The following SH3TC1 variants were observed in gnomAD, a reference collection of about 807,000 sequenced individuals.
SH3TC1 encodes the protein SH3 domain and tetratricopeptide repeats 1.
SH3TC1 carries 135 observed loss-of-function variants against 117.3 expected under a neutral mutation model. The ratio of observed to expected loss-of-function variants is 1.15; its 90% CI spans 1.00 to 1.33. The LOEUF is 1.33. Ranked by LOEUF, SH3TC1 falls within the 40% of genes most tolerant of loss-of-function variation. The pLI, the probability that SH3TC1 is intolerant of heterozygous loss-of-function variation, is 0.00. For missense variants in SH3TC1, 2,092 were observed against 1,794.3 expected (o/e 1.17, Z -3.00); for synonymous variants, 898 against 816.9 (o/e 1.10, Z -1.69).
At position 8,235,426 on chromosome 4, in the gene SH3TC1, C is replaced by G. The variant is rs554581794; in HGVS notation, c.3283-7C>G. 2 of 1,495,324 alleles carry G rather than the reference C, an allele frequency of 1.3e-6. No homozygotes were observed. The highest frequency in any genetic ancestry group is 1.8e-6 in the Non-Finnish European group (2 of 1,115,084). The allele number at this position is 1,495,324 out of a possible 1,614,324, so 92.6% of individuals were successfully genotyped here. A position where few individuals can be genotyped will look rare whatever the true frequency, so the allele number is the denominator to read the frequency against. On this transcript the variant is annotated splice_polypyrimidine_tract_variant and splice_region_variant and intron_variant, in intron 14 of 17. Coordinates refer to ENST00000245105, the MANE Select transcript of SH3TC1 (RefSeq NM_018986.5). ...TGGGTCTTGAGGGAACTTCTGCCTCCTTTCAGGTGGCACAGAACGTGGCCC... is the reference window on the plus strand; with the variant it reads ...TGGGTCTTGAGGGAACTTCTGCCTCGTTTCAGGTGGCACAGAACGTGGCCC...
rs1216472241 is a variant in SH3TC1 at position 8,209,347 on chromosome 4, C to T, written c.173-401C>T. 6.6e-6 allele frequency among the ~76,000 whole-genome samples: 1 copy of T among 152,242 alleles called. No individual in the cohort carries two copies. The highest frequency in any genetic ancestry group is 1.9e-4 in the East Asian group (1 of 5,176). Reference sequence around the variant, plus strand: ...CAGAAAAGGAGATGCAGTGACAAAGCGGAAGTAGAAGTGGCGGCCACAAGC... The same window carrying T: ...CAGAAAAGGAGATGCAGTGACAAAGTGGAAGTAGAAGTGGCGGCCACAAGC... On this transcript the variant is annotated intron_variant, in intron 2 of 17. Coordinates refer to ENST00000245105, the MANE Select transcript of SH3TC1 (RefSeq NM_018986.5). This position sits in a 1 kb window ranked among gnomAD's most constrained non-coding sequence, Gnocchi z 5.9.
At chr4:8,223,406 C>G (rs970610355) in intron 10 of SH3TC1, among the ~76,000 whole-genome samples, 1 of 152,222 alleles carries the variant, frequency 6.6e-6, no homozygotes, top group African/African-American at 2.4e-5. Flanking sequence ...GGCCTGGTCA[C>G]CTGGCTGCCA....
intron 4 of SH3TC1, 23 bp downstream of exon 4, chr4:8,212,851 C>T: frequency 1.3e-6 from 2 of 1,536,504 alleles, no homozygotes; most frequent in African/African-American, 2.7e-5. Context: ...CTGGGGCCTG[C>T]TCAGGGATGG....
Position 8,218,365 on chromosome 4 carries a change from CCT to C in SH3TC1, c.916+23_916+24del. ...GCTGATGGGTAAGTGTTTCCATGGG[CCT>C]CTCTTTTTTGGGGAAATGTGTGTGC... On this transcript the variant is annotated intron_variant, in intron 8 of 17. Transcript: ENST00000245105. 6.3e-7 allele frequency: 1 copy of C among 1,593,116 alleles called. No homozygotes were observed. The highest frequency in any genetic ancestry group is 8.6e-7 in the Non-Finnish European group (1 of 1,165,132).
chr4:8,235,776 A>C, intron 15 of SH3TC1: 1 of 512,258 alleles, frequency 2.0e-6, no homozygotes, highest in Non-Finnish European at 3.2e-6. Flanking sequence ...CTTGCACCCG[A>C]TGATCTCAAG....
At chr4:8,228,741 C>T in intron 12 of SH3TC1, 97 bp downstream of exon 12, 1 of 1,066,020 alleles carries the variant, frequency 9.4e-7, no homozygotes, top group African/African-American at 1.6e-5. Flanking sequence ...GTTTTTCCAC[C>T]ATCGAAAGTG....
intron 8 of SH3TC1, among the ~76,000 whole-genome samples, chr4:8,219,089 C>T (rs1020761187): frequency 7.9e-5 from 12 of 152,096 alleles, no homozygotes; most frequent in African/African-American, 2.7e-4. Flanking sequence ...GGCTGATGGC[C>T]GAGGCTTATT....
Position 8,219,320 on chromosome 4 carries a change from G to A in SH3TC1, c.917-15G>A, listed in dbSNP as rs1416678971. ...TTGGTCTCCCTGGCACTCACCATGTGGCTTTCTTCCGCAGCTGTGGGCCTG... is the reference window on the plus strand; with the variant it reads ...TTGGTCTCCCTGGCACTCACCATGTAGCTTTCTTCCGCAGCTGTGGGCCTG... On this transcript the variant is annotated splice_polypyrimidine_tract_variant and intron_variant, in intron 8 of 17. Coordinates refer to ENST00000245105, the MANE Select transcript of SH3TC1 (RefSeq NM_018986.5). The A allele has an allele frequency of 1.3e-6, 2 of 1,566,780 alleles. No individual in the cohort carries two copies. Among genetic ancestry groups the A allele is most frequent in the Admixed American group, 1.8e-5 (1 of 56,818 alleles).
rs1241604981 is a variant in SH3TC1 at position 8,206,775 on chromosome 4, C to G, written c.172+1409C>G. The stretch of plus-strand genomic sequence containing the variant: ...AAATAGTACAGATAATTCCATTTGC[C>G]CATACCCAGGTTCCCTGAATGTTCG... On this transcript the variant is annotated intron_variant, in intron 2 of 17. Transcript: ENST00000245105. The surrounding 1 kb of genome is among the most constrained non-coding windows in gnomAD (Gnocchi z 5.5). 6.6e-6 allele frequency among the ~76,000 whole-genome samples: 1 copy of G among 152,016 alleles called. No homozygotes were observed. Among genetic ancestry groups the G allele is most frequent in the Non-Finnish European group, 1.5e-5 (1 of 68,008 alleles).
chr4:8,234,482 TCCATCCATCCAC>T lies in SH3TC1; in HGVS notation c.3283-939_3283-928del, dbSNP rs766605674. 1.5e-3 allele frequency among the ~76,000 whole-genome samples: 152 copies of T among 101,000 alleles called. No homozygotes were observed. The Middle Eastern group carries it at 0.023, about 15-fold the overall frequency. 66.3% of individuals were successfully genotyped at this position (101,000 alleles called of 152,430 possible). A position where few individuals can be genotyped will look rare whatever the true frequency, so the allele number is the denominator to read the frequency against. On this transcript the variant is annotated intron_variant, in intron 14 of 17. Transcript: ENST00000245105. ...ATACACACATCATTCAACCCATCCA[TCCATCCATCCAC>T]CCATCCATCCATTCATCTGTCCATC...
chr4:8,236,392 T>C lies in SH3TC1; in HGVS notation c.3520T>C (p.Phe1174Leu). 1 of 1,533,454 alleles carries C rather than the reference T, an allele frequency of 6.5e-7. No homozygotes were observed. The highest frequency in any genetic ancestry group is 2.0e-5 in the Admixed American group (1 of 49,536). The allele number at this position is 1,533,454 out of a possible 1,614,324, so 95.0% of individuals were successfully genotyped here. A position where few individuals can be genotyped will look rare whatever the true frequency, so the allele number is the denominator to read the frequency against. The change falls in exon 16 of 18, where the codon TTT (phenylalanine) becomes CTT (leucine). Residue 1174 changes from phenylalanine to leucine, a missense_variant. Phe to Leu is a conservative substitution (Grantham distance 22). Transcript: ENST00000245105. ...GGAGGAGCCCCAGGAGGGCTTGGAG[T>C]TTGCCCACATGGCCCTAGCACTCAG... ...TLEEPQEGLE[F>L]AHMALALSIT...
At position 8,225,336 on chromosome 4, in the gene SH3TC1, T is replaced by G; in HGVS notation, c.1285+120T>G. 3.4e-6 allele frequency: 4 copies of G among 1,172,602 alleles called. 1 individual carries two copies. The highest frequency in any genetic ancestry group is 4.9e-6 in the Non-Finnish European group (4 of 815,332). 72.6% of individuals were successfully genotyped at this position (1,172,602 alleles called of 1,614,324 possible). ...GGGTGCGGCTGTCACCCCTCTGTGG[T>G]GTGGGCTGGGGGCTTGGGGGAGGTT... On this transcript the variant is annotated intron_variant, in intron 11 of 17. Transcript: ENST00000245105. The surrounding 1 kb of genome is among the most constrained non-coding windows in gnomAD (Gnocchi z 5.5).
rs1038865791 is a variant in SH3TC1, at chr4:8,183,219, C to T, written c.-57+1009C>T. Among the ~76,000 whole-genome samples the T allele has an allele frequency of 6.6e-6, 1 of 152,174 alleles. No individual in the cohort carries two copies. The highest frequency in any genetic ancestry group is 6.5e-5 in the Admixed American group (1 of 15,282). ...AGCCCCAGGCGAGTTCTGTTCACTACGAAGGAGCCCGTCCTCATCCTCCCC... is the reference window on the plus strand; with the variant it reads ...AGCCCCAGGCGAGTTCTGTTCACTATGAAGGAGCCCGTCCTCATCCTCCCC... On this transcript the variant is annotated intron_variant, in intron 1 of 16. Transcript: ENST00000508641. This position sits in a 1 kb window ranked among gnomAD's most constrained non-coding sequence, Gnocchi z 5.4.
Position 8,227,752 on chromosome 4 carries a change from C to T in SH3TC1, c.2058C>T (p.Pro686=). The change falls in exon 12 of 18, where the codon CCC becomes CCT. Residue 686 remains proline, a synonymous_variant. Coordinates refer to ENST00000245105, the MANE Select transcript of SH3TC1 (RefSeq NM_018986.5). ...VHLKQPEEAL[P]FLERLLLLHR... is the part of the protein sequence containing the mutation. The stretch of plus-strand genomic sequence containing the variant: ...TCAAGCAGCCCGAGGAGGCCCTGCC[C>T]TTCCTAGAGCGGCTGCTGCTTTTGC... 1 of 1,610,574 alleles carries T rather than the reference C, an allele frequency of 6.2e-7. No homozygotes were observed. Among genetic ancestry groups the T allele is most frequent in the Non-Finnish European group, 8.5e-7 (1 of 1,178,488 alleles).
chr4:8,234,490 TCC>T (rs1560115176), intron 14 of SH3TC1, among the ~76,000 whole-genome samples: 1 of 147,966 alleles, frequency 6.8e-6, no homozygotes, highest in Non-Finnish European at 1.5e-5. Flanking sequence ...CATCCATCCA[TCC>T]ACCCATCCAT....
At chr4:8,188,274 C>G (rs551197835) in intron 1 of SH3TC1, among the ~76,000 whole-genome samples, 1 of 152,168 alleles carries the variant, frequency 6.6e-6, no homozygotes, top group East Asian at 1.9e-4. Flanking sequence ...ACCATGAGGC[C>G]GAGTCTGGGC....
intron 1 of SH3TC1, among the ~76,000 whole-genome samples, chr4:8,188,529 T>C (rs771347298): frequency 2.2e-4 from 33 of 152,270 alleles, no homozygotes; most frequent in Non-Finnish European, 3.5e-4. Context: ...CTCTCCATCA[T>C]TGGGTTGCAC....
chr4:8,223,098 C>A, intron 10 of SH3TC1, 128 bp downstream of exon 10: 2 of 1,318,354 alleles, frequency 1.5e-6, no homozygotes, highest in Non-Finnish European at 2.0e-6. Flanking sequence ...ACAGAGGCTG[C>A]CGCTGCCTCC....
chr4:8,221,127 G>A (rs1719882824), intron 9 of SH3TC1, among the ~76,000 whole-genome samples: 1 of 152,122 alleles, frequency 6.6e-6, no homozygotes, highest in South Asian at 2.1e-4. Flanking sequence ...GTGTTCCATG[G>A]GACACTCTTT....
Sources: gnomAD v4.1 joint callset for allele counts (sites outside exome capture counted in the v4.1 genomes callset) on GRCh38, gnomAD v4.1.1 for gene constraint, Gnocchi (gnomAD v3.1) non-coding constraint, MANE v1.5 for transcripts, NCBI Gene and HGNC (gene_info 2026-07-23, HGNC 2026-07-21) for gene names.